Variants in BICDL1 observed in about 807,000 individuals in gnomAD.
BICDL1 encodes BICD family like cargo adaptor 1.
Under a neutral mutation model 76.8 loss-of-function variants are expected in BICDL1, and 20 were observed. That is an observed-to-expected ratio of 0.26 (90% CI 0.18 to 0.38). BICDL1 has a LOEUF of 0.38. BICDL1 is among the 10% of genes least tolerant of loss of function. The probability of loss-of-function intolerance (pLI) is 1.00; values close to 1 mark genes in which losing one functional copy is unlikely to be tolerated. For synonymous variants in BICDL1, 383 were observed against 337.1 expected (o/e 1.14, Z -1.49); for missense variants, 700 against 798.6 (o/e 0.88, Z 1.49).
chr12:120,026,154 G>A (rs1373260294), intron 2 of BICDL1, among the ~76,000 whole-genome samples: 5 of 152,170 alleles, frequency 3.3e-5, no homozygotes, highest in African/African-American at 1.2e-4. Flanking sequence ...TATTTATTTA[G>A]AGTTTCATAT....
At chr12:120,051,390 G>A (rs565128767) in intron 2 of BICDL1, among the ~76,000 whole-genome samples, 14 of 152,218 alleles carry the variant, frequency 9.2e-5, no homozygotes, top group East Asian at 7.7e-4. Context: ...ACATAGCAGC[G>A]TTGTCTTATA....
intron 2 of BICDL1, among the ~76,000 whole-genome samples, chr12:120,038,059 G>GC (rs1351346361): frequency 6.6e-6 from 1 of 152,146 alleles, no homozygotes; most frequent in Admixed American, 6.6e-5. Flanking sequence ...TGAAGCCCTG[G>GC]GTAGACAGAG....
At chr12:120,059,103 T>G (rs1449139127) in intron 2 of BICDL1, among the ~76,000 whole-genome samples, 2 of 151,950 alleles carry the variant, frequency 1.3e-5, no homozygotes, top group African/African-American at 2.4e-5. Context: ...TTTTTTTAAT[T>G]TTTTCTTTTT....
intron 7 of BICDL1, among the ~76,000 whole-genome samples, chr12:120,080,265 AGGT>A (rs1254204237): frequency 6.6e-6 from 1 of 152,230 alleles, no homozygotes; most frequent in Non-Finnish European, 1.5e-5. Flanking sequence ...GGACCTGAGA[AGGT>A]GGTGGTGCCC....
At chr12:120,021,548 C>A (rs1438670092) in intron 2 of BICDL1, among the ~76,000 whole-genome samples, 1 of 138,256 alleles carries the variant, frequency 7.2e-6, no homozygotes, top group Non-Finnish European at 1.5e-5. Context: ...GATTGCGCCA[C>A]TGCACTCCAC....
chr12:120,086,591 C>T (rs1874436046), intron 8 of BICDL1, among the ~76,000 whole-genome samples: 1 of 152,198 alleles, frequency 6.6e-6, no homozygotes, highest in Admixed American at 6.5e-5. Flanking sequence ...CACTGGGCTG[C>T]AGAAACCTTA....
chr12:120,080,532 CTG>C (rs528119510), intron 7 of BICDL1: 344 of 195,846 alleles, frequency 1.8e-3, no homozygotes, highest in Non-Finnish European at 2.1e-3. Flanking sequence ...ACCCTAAAAA[CTG>C]TGTGTCATGA....
At chr12:120,066,111 G>C (rs1291765691) in intron 4 of BICDL1, among the ~76,000 whole-genome samples, 1 of 152,198 alleles carries the variant, frequency 6.6e-6, no homozygotes, top group East Asian at 1.9e-4. Flanking sequence ...TTGGCATACA[G>C]GGTGCTTTTA....
chr12:120,003,981 T>G (rs1951807563), intron 2 of BICDL1, among the ~76,000 whole-genome samples: 1 of 152,170 alleles, frequency 6.6e-6, no homozygotes, highest in Non-Finnish European at 1.5e-5. Context: ...CTGTGTCATC[T>G]CATCTGTTCT....
chr12:119,996,628 A>G (rs761470293), intron 1 of BICDL1, among the ~76,000 whole-genome samples: 3 of 152,044 alleles, frequency 2.0e-5, no homozygotes, highest in South Asian at 2.1e-4. Context: ...CTTGATGTCA[A>G]CCTTCAGTGT....
chr12:119,990,483 C>T (rs1227273525), intron 1 of BICDL1, among the ~76,000 whole-genome samples, 186 bp downstream of exon 1: 3 of 152,202 alleles, frequency 2.0e-5, no homozygotes, highest in Non-Finnish European at 4.4e-5. Flanking sequence ...GACTTCCCCA[C>T]CCCGCTCACA....
At chr12:120,035,313 G>A (rs1352709259) in intron 2 of BICDL1, among the ~76,000 whole-genome samples, 3 of 152,180 alleles carry the variant, frequency 2.0e-5, no homozygotes, top group Non-Finnish European at 4.4e-5. Flanking sequence ...TCCAGCCTAG[G>A]TAACAGAGTG....
intron 2 of BICDL1, among the ~76,000 whole-genome samples, chr12:120,006,825 A>G (rs1032347068): frequency 1.1e-4 from 16 of 152,094 alleles, no homozygotes; most frequent in African/African-American, 3.6e-4. Flanking sequence ...TGTGCTGGGA[A>G]GCCAGTGATA....
At chr12:120,049,387 A>G (rs1952810344) in intron 2 of BICDL1, among the ~76,000 whole-genome samples, 1 of 152,232 alleles carries the variant, frequency 6.6e-6, no homozygotes, top group African/African-American at 2.4e-5. Context: ...CAGCAAGAAA[A>G]TGTCTTTTCA....
In BICDL1 at chr12:120,089,956, A is replaced by G; in HGVS notation, c.1589A>G (p.Asn530Ser). 6.2e-7 allele frequency: 1 copy of G among 1,614,068 alleles called. No individual in the cohort carries two copies. Residue 530 changes from asparagine to serine, a missense_variant, in exon 9 of 10, where the codon AAT becomes AGT. Asn to Ser is a conservative substitution (Grantham distance 46, BLOSUM62 1). Coordinates refer to ENST00000548673, the MANE Select transcript of BICDL1 (RefSeq NM_001367886.1). Reference sequence around the variant, plus strand: ...CCTGGCTTGTCTGTTCTCAGGAAGAATGCTGTGGAGCTGGAACTTGCCAAG... The same window carrying G: ...CCTGGCTTGTCTGTTCTCAGGAAGAGTGCTGTGGAGCTGGAACTTGCCAAG... ...RDRDEAIAKK[N>S]AVELELAKCR...
intron 2 of BICDL1, among the ~76,000 whole-genome samples, chr12:120,047,408 C>T (rs1952769976): frequency 6.6e-6 from 1 of 152,110 alleles, no homozygotes; most frequent in African/African-American, 2.4e-5. Context: ...GGGCAGGAAC[C>T]TTCATGCAAA....
chr12:119,998,260 C>G (rs1951691965), intron 1 of BICDL1, among the ~76,000 whole-genome samples: 1 of 152,164 alleles, frequency 6.6e-6, no homozygotes, highest in African/African-American at 2.4e-5. Flanking sequence ...AGTCTAGAAC[C>G]TCATGCCTAA....
chr12:120,069,670 G>A (rs1022711078), intron 4 of BICDL1, among the ~76,000 whole-genome samples: 2 of 152,156 alleles, frequency 1.3e-5, no homozygotes, highest in African/African-American at 4.8e-5. Context: ...TCCTTTCCAA[G>A]CTACTCTTTT....
intron 2 of BICDL1, among the ~76,000 whole-genome samples, chr12:120,047,494 A>C (rs973885435): frequency 5.1e-4 from 77 of 152,176 alleles, no homozygotes; most frequent in Admixed American, 2.6e-4. Context: ...TTTGAACCAG[A>C]TTATCTCTGA....
Sources: allele counts gnomAD v4.1 joint callset (sites outside exome capture counted in the v4.1 genomes callset), GRCh38; gene constraint gnomAD v4.1.1; transcripts MANE v1.5; gene names NCBI Gene and HGNC (gene_info 2026-07-23, HGNC 2026-07-21).